The following TUBGCP3 variants were observed in gnomAD, a reference collection of about 807,000 sequenced individuals.
The protein encoded by TUBGCP3 is gamma-tubulin complex component 3.
Under a neutral mutation model 123.1 loss-of-function variants are expected in TUBGCP3, and 50 were observed. The observed-to-expected ratio is 0.41, with a 90% CI of 0.32 to 0.51. The LOEUF (loss-of-function observed/expected upper bound fraction) is 0.51. Among genes scored for constraint, TUBGCP3 ranks in the 20% least tolerant of loss-of-function variants. TUBGCP3 has a pLI of 0.36. For missense variants in TUBGCP3, 882 were observed against 1,127.0 expected (o/e 0.78, Z 3.11); for synonymous variants, 405 against 413.9 (o/e 0.98, Z 0.26).
Position 112,569,238 on chromosome 13 carries a change from T to C in TUBGCP3, c.98A>G (p.Gln33Arg), listed in dbSNP as rs1260950380. ...RSEADVAQQF[Q>R]YAVRVIGSNF... ...GCTGCCAATCACCCGCACAGCATAC[T>C]GGAACTGCTGGGCTACATCAGCTGA... is the stretch of plus-strand genomic sequence containing the variant. Residue 33 changes from glutamine (Q) to arginine (R), a missense_variant, in exon 2 of 22, where the codon CAG (glutamine) becomes CGG (arginine). Physicochemically the swap from Gln to Arg is conservative, Grantham distance 43. Transcript: ENST00000261965. 1.9e-6 allele frequency: 3 copies of C among 1,614,142 alleles called. No homozygotes were observed. Among genetic ancestry groups the C allele is most frequent in the Non-Finnish European group, 2.5e-6 (3 of 1,180,004 alleles).
At chr13:112,584,658 G>A (rs543663513) in intron 1 of TUBGCP3, among the ~76,000 whole-genome samples, 51 of 152,318 alleles carry the variant, frequency 3.3e-4, no homozygotes, top group African/African-American at 1.2e-3. Flanking sequence ...AATATGCTGT[G>A]TACTGTAGTC....
upstream of TUBGCP3, among the ~76,000 whole-genome samples, chr13:112,592,488 T>G (rs1882899316): frequency 6.6e-6 from 1 of 151,894 alleles, no homozygotes; most frequent in African/African-American, 2.4e-5. This position sits in a 1 kb window ranked among gnomAD's most constrained non-coding sequence, Gnocchi z 4.1. Flanking sequence ...TGGGTGAAGG[T>G]TAGGTGTGTC....
At chr13:112,557,718 C>T (rs770026910) in intron 5 of TUBGCP3, among the ~76,000 whole-genome samples, 3 of 152,250 alleles carry the variant, frequency 2.0e-5, no homozygotes, top group Non-Finnish European at 4.4e-5. Context: ...TGCATTTCAT[C>T]ATCTTAATTC....
chr13:112,573,814 CACT>C (rs1168983554), intron 1 of TUBGCP3, among the ~76,000 whole-genome samples: 2 of 152,240 alleles, frequency 1.3e-5, no homozygotes, highest in Non-Finnish European at 2.9e-5. Context: ...CCACCCCCAC[CACT>C]GAGTGCTGGG....
intron 11 of TUBGCP3, among the ~76,000 whole-genome samples, chr13:112,537,505 T>C (rs1878161272): frequency 6.6e-6 from 1 of 152,154 alleles, no homozygotes; most frequent in Non-Finnish European, 1.5e-5. Flanking sequence ...CACTTGGCCA[T>C]TGTGTACAAT....
intron 20 of TUBGCP3, among the ~76,000 whole-genome samples, chr13:112,494,962 G>C (rs774409785): frequency 7.0e-4 from 106 of 152,246 alleles, no homozygotes; most frequent in South Asian, 2.5e-3. Flanking sequence ...TATATATTCT[G>C]GTTATCAATC....
chr13:112,489,322 C>A (rs1345632050), intron 21 of TUBGCP3, among the ~76,000 whole-genome samples: 1 of 152,244 alleles, frequency 6.6e-6, no homozygotes, highest in Admixed American at 6.5e-5. Flanking sequence ...ACTGGGGCCA[C>A]CCCCGGGTGC....
At position 112,488,434 on chromosome 13, in the gene TUBGCP3, C is replaced by T. The variant is rs536188241; in HGVS notation, c.2565+1147G>A. ...AGGGACAGACATGCAGAGCAGCCGT[C>T]CCCAGCCTTCCGGGGTCTACACCAT... On this transcript the variant is annotated intron_variant, in intron 21 of 21. Transcript: ENST00000261965. 1.2e-4 allele frequency among the ~76,000 whole-genome samples: 18 copies of T among 152,336 alleles called. 1 individual carries two copies. The highest frequency in any genetic ancestry group is 2.1e-4 in the Non-Finnish European group (14 of 68,024).
intron 21 of TUBGCP3, 66 bp from the exon 22 acceptor site, chr13:112,486,217 G>T (rs1429898277): frequency 3.2e-6 from 5 of 1,576,668 alleles, no homozygotes; most frequent in East Asian, 2.3e-5. Context: ...GTATTCCCCG[G>T]ACCTTAATCT....
At position 112,547,530 on chromosome 13, in the gene TUBGCP3, AGACGTGCATGGG is replaced by A. The variant is rs777174722; in HGVS notation, c.1168+78_1168+89del. 5.9e-6 allele frequency: 8 copies of A among 1,354,070 alleles called. No individual in the cohort carries two copies. In the African/African-American group the frequency reaches 1.2e-4, roughly 20 times the overall value. 83.9% of individuals were successfully genotyped at this position (1,354,070 alleles called of 1,614,324 possible). On this transcript the variant is annotated intron_variant, in intron 10 of 21. Coordinates refer to ENST00000261965, the MANE Select transcript of TUBGCP3 (RefSeq NM_006322.6). ...CGCGTGGGAAAGACGCGCGTGGGAAAGACGTGCATGGGAAAGTCGCGCGTGGGAAAGTCGCGC... is the reference window on the plus strand; with the variant it reads ...CGCGTGGGAAAGACGCGCGTGGGAAAAAAGTCGCGCGTGGGAAAGTCGCGC...
Position 112,556,194 on chromosome 13 carries a change from A to G in TUBGCP3, c.579T>C (p.Asp193=), listed in dbSNP as rs139425947. The G allele has an allele frequency of 2.1e-5, 34 of 1,614,068 alleles. No individual in the cohort carries two copies. The African/African-American group carries it at 3.6e-4, about 17-fold the overall frequency. The change falls in exon 6 of 22, where the codon GAT becomes GAC. Residue 193 remains aspartate, a synonymous_variant. Coordinates refer to ENST00000261965, the MANE Select transcript of TUBGCP3 (RefSeq NM_006322.6). ...GTGACCCCAACTGCTGTCGAAGGCAATCTCCTACTCCTGGAGCTTGATTAG... is the reference window on the plus strand; with the variant it reads ...GTGACCCCAACTGCTGTCGAAGGCAGTCTCCTACTCCTGGAGCTTGATTAG... The part of the protein sequence containing the change: ...GQSNQAPGVG[D]CLRQQLGSRL...
At chr13:112,567,645 A>G (rs747936668) in intron 2 of TUBGCP3, among the ~76,000 whole-genome samples, 1 of 152,248 alleles carries the variant, frequency 6.6e-6, no homozygotes, top group South Asian at 2.1e-4. Flanking sequence ...GCTCTGCATC[A>G]TAACAGCAGA....
In TUBGCP3 at chr13:112,527,061, A is replaced by C; in HGVS notation, c.1447-11T>G. 10 of 1,597,216 alleles carry C rather than the reference A, an allele frequency of 6.3e-6. No individual in the cohort carries two copies. Among genetic ancestry groups the C allele is most frequent in the Non-Finnish European group, 8.6e-6 (10 of 1,164,838 alleles). ...TCCTATCAAAAGGACCTAAAAAGAA[A>C]AACATTCTATGATTACTTTTATGTA... is the stretch of plus-strand genomic sequence containing the variant. On this transcript the variant is annotated splice_polypyrimidine_tract_variant and intron_variant, in intron 12 of 21. Transcript: ENST00000261965.
intron 2 of TUBGCP3, among the ~76,000 whole-genome samples, chr13:112,568,779 G>T (rs1349728672): frequency 1.3e-5 from 2 of 152,242 alleles, no homozygotes; most frequent in Non-Finnish European, 2.9e-5. Flanking sequence ...AAACAGGACA[G>T]CTCATGTGTG....
At chr13:112,567,313 T>C (rs912924199) in intron 2 of TUBGCP3, among the ~76,000 whole-genome samples, 1 of 152,230 alleles carries the variant, frequency 6.6e-6, no homozygotes, top group Non-Finnish European at 1.5e-5. Context: ...TGTCAGTTCT[T>C]TGAGTTTAAA....
intron 7 of TUBGCP3, among the ~76,000 whole-genome samples, chr13:112,554,676 G>A (rs1879877819): frequency 6.6e-6 from 1 of 152,156 alleles, no homozygotes; most frequent in African/African-American, 2.4e-5. Flanking sequence ...CGTGAGGAAA[G>A]GAGGCACACA....
chr13:112,522,010 A>G, intron 14 of TUBGCP3: 2 of 357,730 alleles, frequency 5.6e-6, no homozygotes, highest in Non-Finnish European at 7.8e-6. Flanking sequence ...TTCAAACTCA[A>G]GCTAAAGTTA....
rs1879612038 is a variant in TUBGCP3 at position 112,485,728 on chromosome 13, GTATCTTT to G, written c.*258_*264del. The G allele has an allele frequency of 7.6e-6, 3 of 393,322 alleles. No individual in the cohort carries two copies. In the South Asian group the frequency reaches 3.1e-4, roughly 40 times the overall value. 24.4% of individuals were successfully genotyped at this position (393,322 alleles called of 1,614,324 possible). On this transcript the variant is annotated 3_prime_UTR_variant, in exon 22 of 22. Transcript: ENST00000261965. Reference sequence around the variant, plus strand: ...GCTTAAGAAGCCTCAGCAAATTATGGTATCTTTTAGCGATGAAGACTTTTAGAGACAA... The same window carrying G: ...GCTTAAGAAGCCTCAGCAAATTATGGTAGCGATGAAGACTTTTAGAGACAA...
In TUBGCP3 at chr13:112,558,387, A is replaced by G. The variant is rs1489238834; in HGVS notation, c.357T>C (p.Ala119=). The G allele has an allele frequency of 6.3e-7, 1 of 1,587,874 alleles. No individual in the cohort carries two copies. The highest frequency in any genetic ancestry group is 1.1e-5 in the South Asian group (1 of 89,878). Residue 119 remains alanine (A), a synonymous_variant, in exon 5 of 22, where the codon GCT becomes GCC. Transcript: ENST00000261965. ...SKVSSYATLF[A]QALPRDAHST... ...AGTGGGCATCTCTTGGTAAGGCCTG[A>G]GCAAATAACGTAGCATAGCTAGAAA... is the stretch of plus-strand genomic sequence containing the variant.
Sources: gnomAD v4.1 joint callset for allele counts (sites outside exome capture counted in the v4.1 genomes callset) on GRCh38, gnomAD v4.1.1 for gene constraint, Gnocchi (gnomAD v3.1) non-coding constraint, MANE v1.5 for transcripts, NCBI Gene and HGNC (gene_info 2026-07-23, HGNC 2026-07-21) for gene names.